The following GPR158 variants were observed in gnomAD, a reference collection of about 807,000 sequenced individuals.
GPR158 encodes G protein-coupled receptor 158.
In GPR158, 30 loss-of-function variants were observed where a neutral mutation model predicts 78.2. The ratio of observed to expected loss-of-function variants is 0.38; its 90% CI spans 0.29 to 0.52. The LOEUF (loss-of-function observed/expected upper bound fraction) is 0.52, where lower values mean the gene tolerates loss of function less well. Ranked by LOEUF, GPR158 falls within the 20% of genes least tolerant of loss-of-function variation. The probability of loss-of-function intolerance (pLI) is 0.83; values close to 1 mark genes in which losing one functional copy is unlikely to be tolerated. For synonymous variants in GPR158, 581 were observed against 591.1 expected (o/e 0.98, Z 0.25); for missense variants, 1,463 against 1,523.5 (o/e 0.96, Z 0.66).
At chr10:25,463,258 C>T (rs1345683245) in intron 4 of GPR158, among the ~76,000 whole-genome samples, 1 of 152,148 alleles carries the variant, frequency 6.6e-6, no homozygotes, top group African/African-American at 2.4e-5. Context: ...AATGCTATTG[C>T]ATTCTTAATA....
intron 6 of GPR158, among the ~76,000 whole-genome samples, chr10:25,561,366 C>T (rs1236337163): frequency 6.6e-6 from 1 of 152,140 alleles, no homozygotes; most frequent in Non-Finnish European, 1.5e-5. Context: ...AGGTACTTGG[C>T]AGACCATGGT....
chr10:25,563,316 T>A (rs1414649086), intron 6 of GPR158, among the ~76,000 whole-genome samples: 1 of 152,178 alleles, frequency 6.6e-6, no homozygotes, highest in East Asian at 1.9e-4. Flanking sequence ...TGCTACCTTT[T>A]TATTTACAAA....
chr10:25,542,495 G>T (rs1232951149), intron 5 of GPR158, among the ~76,000 whole-genome samples: 3 of 152,060 alleles, frequency 2.0e-5, no homozygotes, highest in Non-Finnish European at 2.9e-5. Flanking sequence ...CTATCAATGT[G>T]TCTATACTTG....
intron 5 of GPR158, among the ~76,000 whole-genome samples, chr10:25,476,108 T>C (rs374072995): frequency 1.5e-3 from 236 of 152,288 alleles, no homozygotes; most frequent in African/African-American, 5.3e-3. Context: ...AGCAGAGAGC[T>C]GAAGCATTCA....
At chr10:25,365,432 C>T (rs1369150964) in intron 2 of GPR158, among the ~76,000 whole-genome samples, 1 of 151,586 alleles carries the variant, frequency 6.6e-6, no homozygotes, top group Non-Finnish European at 1.5e-5. Context: ...ATTGAAAAAC[C>T]CTGCAAAATT....
At chr10:25,420,205 A>G (rs1834730160) in intron 4 of GPR158, among the ~76,000 whole-genome samples, 1 of 152,166 alleles carries the variant, frequency 6.6e-6, no homozygotes, top group Non-Finnish European at 1.5e-5. Flanking sequence ...GCTATAATGC[A>G]GTGGTATGAT....
chr10:25,567,832 A>T (rs1182527147), intron 6 of GPR158, among the ~76,000 whole-genome samples: 1 of 152,182 alleles, frequency 6.6e-6, no homozygotes, highest in Non-Finnish European at 1.5e-5. Context: ...TGTCCATCGT[A>T]GGGTGTGGAT....
intron 1 of GPR158, among the ~76,000 whole-genome samples, chr10:25,204,794 A>G (rs1852994727): frequency 7.0e-6 from 1 of 142,206 alleles, no homozygotes; most frequent in Admixed American, 7.0e-5. Flanking sequence ...GTGTGCACAG[A>G]GGTGTTCAAA....
intron 5 of GPR158, among the ~76,000 whole-genome samples, chr10:25,531,826 G>T (rs934146588): frequency 6.6e-6 from 1 of 152,160 alleles, no homozygotes; most frequent in African/African-American, 2.4e-5. Flanking sequence ...TTATTACTCA[G>T]CTTTCCACAT....
chr10:25,209,801 C>G (rs1447649219), intron 1 of GPR158, among the ~76,000 whole-genome samples: 6 of 152,154 alleles, frequency 3.9e-5, no homozygotes, highest in Non-Finnish European at 5.9e-5. Context: ...CTTATATTTG[C>G]TAAGTAAGCA....
At chr10:25,226,950 T>TC (rs1440392398) in intron 2 of GPR158, among the ~76,000 whole-genome samples, 1 of 152,180 alleles carries the variant, frequency 6.6e-6, no homozygotes, top group Non-Finnish European at 1.5e-5. Context: ...CAGTCACCCA[T>TC]CCCTGCTTTA....
chr10:25,175,199 G>A lies in GPR158; in HGVS notation c.-222G>A. On this transcript the variant is annotated 5_prime_UTR_variant, in exon 1 of 11. Coordinates refer to ENST00000376351, the MANE Select transcript of GPR158 (RefSeq NM_020752.3). The surrounding 1 kb of genome is among the most constrained non-coding windows in gnomAD (Gnocchi z 6.4). Reference sequence around the variant, plus strand: ...TCCCCAGCCGGCCCCTCGCGCAGCGGGCACGGCCAGCGCTGCCACAGGTGA... The same window carrying A: ...TCCCCAGCCGGCCCCTCGCGCAGCGAGCACGGCCAGCGCTGCCACAGGTGA... 4.2e-6 allele frequency: 2 copies of A among 481,488 alleles called. No homozygotes were observed. The highest frequency in any genetic ancestry group is 7.3e-5 in the South Asian group (2 of 27,390). 29.8% of individuals were successfully genotyped at this position (481,488 alleles called of 1,614,324 possible).
intron 4 of GPR158, among the ~76,000 whole-genome samples, chr10:25,456,922 T>TG (rs963415244): frequency 1.8e-4 from 27 of 152,158 alleles, no homozygotes; most frequent in Admixed American, 1.3e-3. Flanking sequence ...AGATTTTTCA[T>TG]GGGGGGTCTT....
chr10:25,390,119 T>C (rs187220294), intron 2 of GPR158, among the ~76,000 whole-genome samples: 3 of 152,216 alleles, frequency 2.0e-5, no homozygotes, highest in Non-Finnish European at 2.9e-5. Flanking sequence ...TCCCCATCCA[T>C]GTGGAACTGT....
At chr10:25,235,570 C>T (rs1853509789) in intron 2 of GPR158, among the ~76,000 whole-genome samples, 1 of 151,596 alleles carries the variant, frequency 6.6e-6, no homozygotes, top group South Asian at 2.1e-4. Context: ...GATAGTATTG[C>T]ATAGTAGTTA....
intron 2 of GPR158, among the ~76,000 whole-genome samples, chr10:25,252,038 T>C (rs1853809869): frequency 6.6e-6 from 1 of 151,602 alleles, no homozygotes. Flanking sequence ...TCTCTAAACT[T>C]CCCTTCTCGC....
intron 2 of GPR158, among the ~76,000 whole-genome samples, chr10:25,322,329 C>T (rs984394023): frequency 6.6e-5 from 10 of 150,798 alleles, no homozygotes; most frequent in African/African-American, 2.5e-4. Flanking sequence ...TGCAGTGAGC[C>T]GAGATGGCGC....
intron 5 of GPR158, among the ~76,000 whole-genome samples, chr10:25,472,236 T>C (rs1260078066): frequency 6.6e-6 from 1 of 152,114 alleles, no homozygotes; most frequent in African/African-American, 2.4e-5. Context: ...TCCCCATTTC[T>C]TGTTTTTGTC....
intron 6 of GPR158, among the ~76,000 whole-genome samples, chr10:25,569,861 G>GA (rs894316257): frequency 1.4e-4 from 22 of 152,074 alleles, no homozygotes; most frequent in Non-Finnish European, 2.2e-4. Context: ...AGTTTCTAGA[G>GA]AAAAAAATTA....
Sources: gnomAD v4.1 joint callset for allele counts (sites outside exome capture counted in the v4.1 genomes callset) on GRCh38, gnomAD v4.1.1 for gene constraint, Gnocchi (gnomAD v3.1) non-coding constraint, MANE v1.5 for transcripts, NCBI Gene and HGNC (gene_info 2026-07-23, HGNC 2026-07-21) for gene names.